The following SCARA5 variants were observed in gnomAD, a reference collection of about 807,000 sequenced individuals.
The protein encoded by SCARA5 is scavenger receptor class A, member 5 (putative).
Under a neutral mutation model 46.3 loss-of-function variants are expected in SCARA5, and 45 were observed. The ratio of observed to expected loss-of-function variants is 0.97; its 90% CI spans 0.76 to 1.24. The LOEUF (loss-of-function observed/expected upper bound fraction) is 1.24, where lower values mean the gene tolerates loss of function less well. Ranked by LOEUF, SCARA5 falls within the 50% of genes most tolerant of loss-of-function variation. SCARA5 has a pLI of 0.00. For synonymous variants in SCARA5, 333 were observed against 306.5 expected (o/e 1.09, Z -0.90); for missense variants, 680 against 689.0 (o/e 0.99, Z 0.15).
chr8:27,980,183 T>C (rs1808592526), intron 2 of SCARA5, among the ~76,000 whole-genome samples: 1 of 152,122 alleles, frequency 6.6e-6, no homozygotes, highest in African/African-American at 2.4e-5. Flanking sequence ...GCAGGATCCC[T>C]GAATATATTT....
In SCARA5 at chr8:27,921,719, G is replaced by C. The variant is rs749809667; in HGVS notation, c.768C>G (p.Ser256Arg). ...CCAGGCGCAGGCGGCGCGTGTCCTCGCTGGCGTTGCTCACCAGCACCCGCA... is the reference window on the plus strand; with the variant it reads ...CCAGGCGCAGGCGGCGCGTGTCCTCCCTGGCGTTGCTCACCAGCACCCGCA... ...QDLRVLVSNA[S>R]EDTRRLRLAH... The change falls in exon 4 of 9, where the codon AGC becomes AGG. Residue 256 changes from serine to arginine, a missense_variant. Transcript: ENST00000354914. The C allele has an allele frequency of 6.3e-7, 1 of 1,594,020 alleles. No individual in the cohort carries two copies. The highest frequency in any genetic ancestry group is 8.5e-7 in the Non-Finnish European group (1 of 1,172,024).
intron 8 of SCARA5, among the ~76,000 whole-genome samples, chr8:27,876,756 C>T (rs1416347114): frequency 6.6e-6 from 1 of 152,004 alleles, no homozygotes; most frequent in Admixed American, 6.6e-5. Flanking sequence ...GTGTGCAGAA[C>T]ACAAGGACAG....
chr8:27,873,026 C>T (rs990287205), intron 8 of SCARA5, among the ~76,000 whole-genome samples: 1 of 152,204 alleles, frequency 6.6e-6, no homozygotes, highest in Non-Finnish European at 1.5e-5. Flanking sequence ...GCTCCTTGCA[C>T]CACCAGGCAG....
At chr8:27,990,650 G>T (rs73669141) in intron 1 of SCARA5, among the ~76,000 whole-genome samples, 2,975 of 152,296 alleles carry the variant, frequency 0.02, 95 homozygotes, top group African/African-American at 0.068. Context: ...TTGCATGTCA[G>T]CCCCTTTGGT....
chr8:27,941,520 T>A (rs1055486217), intron 3 of SCARA5, among the ~76,000 whole-genome samples: 3 of 152,144 alleles, frequency 2.0e-5, no homozygotes, highest in Admixed American at 6.5e-5. Context: ...CTTTGTGTTA[T>A]GCAGATATTA....
intron 5 of SCARA5, 98 bp downstream of exon 5, chr8:27,909,565 T>G: frequency 1.2e-6 from 1 of 813,158 alleles, no homozygotes; most frequent in Non-Finnish European, 2.0e-6. Flanking sequence ...GATTGGGCAC[T>G]CCCCTGGGGA....
At chr8:27,966,296 A>T in intron 3 of SCARA5, 118 bp downstream of exon 3, 1 of 1,070,516 alleles carries the variant, frequency 9.3e-7, no homozygotes, top group Non-Finnish European at 1.3e-6. Flanking sequence ...TTCTTCCTCT[A>T]TGGTTTCCAT....
intron 6 of SCARA5, among the ~76,000 whole-genome samples, chr8:27,905,777 C>G (rs1311255174): frequency 7.1e-6 from 1 of 141,160 alleles, no homozygotes; most frequent in East Asian, 2.2e-4. Context: ...GTGGTGCAAT[C>G]TTAGCTCACT....
intron 3 of SCARA5, among the ~76,000 whole-genome samples, chr8:27,961,470 A>G (rs1253852386): frequency 1.3e-5 from 2 of 152,242 alleles, no homozygotes; most frequent in Admixed American, 6.5e-5. Flanking sequence ...CTACGAAACC[A>G]TGAGCCAAAT....
chr8:27,991,252 G>A (rs1373867606), intron 1 of SCARA5, among the ~76,000 whole-genome samples: 1 of 152,226 alleles, frequency 6.6e-6, no homozygotes, highest in Non-Finnish European at 1.5e-5. Flanking sequence ...CCTCCCGTGA[G>A]ATAATGCATG....
At chr8:27,981,588 G>T (rs886610098) in intron 2 of SCARA5, among the ~76,000 whole-genome samples, 1 of 152,322 alleles carries the variant, frequency 6.6e-6, no homozygotes, top group African/African-American at 2.4e-5. Flanking sequence ...GGGACAAACA[G>T]AACCCCCTGC....
intron 3 of SCARA5, among the ~76,000 whole-genome samples, chr8:27,940,546 T>C (rs373106545): frequency 3.9e-5 from 6 of 152,092 alleles, no homozygotes; most frequent in African/African-American, 1.4e-4. Flanking sequence ...CAAAACCCAG[T>C]TCACATCTTT....
chr8:27,917,775 A>G (rs1229494218), intron 4 of SCARA5, among the ~76,000 whole-genome samples: 1 of 152,190 alleles, frequency 6.6e-6, no homozygotes, highest in Non-Finnish European at 1.5e-5. Flanking sequence ...ATTGTTATTT[A>G]ATACTATTAG....
At chr8:27,971,758 G>A (rs1477492485) in intron 2 of SCARA5, among the ~76,000 whole-genome samples, 1 of 151,970 alleles carries the variant, frequency 6.6e-6, no homozygotes, top group Admixed American at 6.6e-5. Context: ...TGCCAGAAGA[G>A]CCCAGAATGC....
intron 7 of SCARA5, among the ~76,000 whole-genome samples, chr8:27,902,642 C>T (rs1259812203): frequency 6.6e-6 from 1 of 152,206 alleles, no homozygotes; most frequent in African/African-American, 2.4e-5. Context: ...CCACCCCCAT[C>T]AGGAGTTGTT....
chr8:27,961,240 G>A (rs937474788), intron 3 of SCARA5, among the ~76,000 whole-genome samples: 1 of 152,222 alleles, frequency 6.6e-6, no homozygotes, highest in African/African-American at 2.4e-5. Context: ...GACCATGGGG[G>A]TGGATACCCT....
rs145953432 is a variant in SCARA5, at chr8:27,870,176, G to C, written c.*1758C>G. The C allele has an allele frequency of 7.3e-4, 111 of 151,396 alleles. No homozygotes were observed. The highest frequency in any genetic ancestry group is 2.6e-3 in the African/African-American group (106 of 41,262). 9.4% of individuals were successfully genotyped at this position (151,396 alleles called of 1,614,324 possible). ...TGGATTCTTTGCCAGAACCGGGTTGGGAATTTAGTTTGTTCAATGTGGCAT... is the reference window on the plus strand; with the variant it reads ...TGGATTCTTTGCCAGAACCGGGTTGCGAATTTAGTTTGTTCAATGTGGCAT... On this transcript the variant is annotated 3_prime_UTR_variant, in exon 9 of 9. Transcript: ENST00000354914.
intron 7 of SCARA5, among the ~76,000 whole-genome samples, chr8:27,882,901 G>A (rs983515749): frequency 5.9e-5 from 9 of 152,174 alleles, no homozygotes; most frequent in South Asian, 4.1e-4. Context: ...AGGCCCTTTC[G>A]ACCTGAATGA....
chr8:27,938,872 TTA>T (rs574346226), intron 3 of SCARA5, among the ~76,000 whole-genome samples: 1 of 151,832 alleles, frequency 6.6e-6, no homozygotes, highest in African/African-American at 2.4e-5. Flanking sequence ...AACTGACCAT[TTA>T]TATATATATA....
Sources: allele counts gnomAD v4.1 joint callset (sites outside exome capture counted in the v4.1 genomes callset), GRCh38; gene constraint gnomAD v4.1.1; transcripts MANE v1.5; gene names NCBI Gene and HGNC (gene_info 2026-07-23, HGNC 2026-07-21).